NDEL1: variants seen among roughly 807,000 people sequenced by gnomAD.
NDEL1 encodes the protein nuclear distribution protein nudE-like 1.
A neutral mutation model predicts 45.7 loss-of-function variants in NDEL1; 9 were observed. That is an observed-to-expected ratio of 0.20 (90% CI 0.12 to 0.34). The LOEUF (loss-of-function observed/expected upper bound fraction) is 0.34. Ranked by LOEUF, NDEL1 falls within the 10% of genes least tolerant of loss-of-function variation. The probability of loss-of-function intolerance (pLI) is 1.00; values close to 1 mark genes in which losing one functional copy is unlikely to be tolerated. For synonymous variants in NDEL1, 133 were observed against 158.6 expected (o/e 0.84, Z 1.21); for missense variants, 306 against 406.2 (o/e 0.75, Z 2.12).
At position 8,444,256 on chromosome 17, in the gene NDEL1, A is replaced by C; in HGVS notation, c.-12-4A>C. Reference sequence around the variant, plus strand: ...TTGTTAAGTTTGTCTTTAATATTTCACAGGCTTTCTTGATCATGGATGGTG... The same window carrying C: ...TTGTTAAGTTTGTCTTTAATATTTCCCAGGCTTTCTTGATCATGGATGGTG... On this transcript the variant is annotated splice_polypyrimidine_tract_variant and splice_region_variant and intron_variant, in intron 1 of 8. Transcript: ENST00000334527. The C allele has an allele frequency of 6.4e-7, 1 of 1,574,228 alleles. No individual in the cohort carries two copies. Among genetic ancestry groups the C allele is most frequent in the Non-Finnish European group, 8.7e-7 (1 of 1,147,796 alleles).
chr17:8,413,739 C>T (rs986971092), intron 1 of NDEL1, among the ~76,000 whole-genome samples: 17 of 152,148 alleles, frequency 1.1e-4, no homozygotes, highest in Non-Finnish European at 2.1e-4. Context: ...TCCCTCTGAA[C>T]GTGTTTTCTC....
intron 8 of NDEL1, chr17:8,463,221 C>A: frequency 1.2e-6 from 1 of 856,684 alleles, no homozygotes; most frequent in Non-Finnish European, 1.9e-6. Flanking sequence ...ACTCTGAGTT[C>A]TTTTGGGCTG....
At chr17:8,419,150 T>G (rs1462587080) in intron 1 of NDEL1, among the ~76,000 whole-genome samples, 2 of 152,184 alleles carry the variant, frequency 1.3e-5, no homozygotes, top group South Asian at 4.1e-4. Flanking sequence ...ACACCTGGCC[T>G]GATCCCTTAT....
chr17:8,452,761 C>CA (rs1910601207), intron 6 of NDEL1, among the ~76,000 whole-genome samples: 1 of 16,836 alleles, frequency 5.9e-5, no homozygotes, highest in East Asian at 1.4e-3. Flanking sequence ...TTTTTTTTGA[C>CA]AGAGTTTTGC....
intron 4 of NDEL1, among the ~76,000 whole-genome samples, chr17:8,448,064 C>T (rs1476415745): frequency 1.3e-5 from 2 of 152,098 alleles, no homozygotes; most frequent in African/African-American, 4.8e-5. Context: ...TGAGTGGTTG[C>T]AGAAAGCAAA....
chr17:8,470,176 A>G (rs1274670075), downstream of NDEL1, among the ~76,000 whole-genome samples: 1 of 152,172 alleles, frequency 6.6e-6, no homozygotes, highest in Non-Finnish European at 1.5e-5. This position sits in a 1 kb window ranked among gnomAD's most constrained non-coding sequence, Gnocchi z 4.2. Context: ...GAATGCCGCT[A>G]CGTACCGTTT....
chr17:8,418,625 GCTTC>G lies in NDEL1; in HGVS notation c.-13+5373_-13+5376del, dbSNP rs765696271. Among the ~76,000 whole-genome samples the G allele has an allele frequency of 3.8e-3, 580 of 151,640 alleles. 2 individuals carry two copies. The highest frequency in any genetic ancestry group is 5.6e-3 in the Non-Finnish European group (378 of 67,894). On this transcript the variant is annotated intron_variant, in intron 1 of 4. Transcript: ENST00000582812. ...CAGCTCTATAAAAAAGTTTATGGCTGCTTCCTTCCTTCCTTCCTTCTTTCCTTCC... is the reference window on the plus strand; with the variant it reads ...CAGCTCTATAAAAAAGTTTATGGCTGCTTCCTTCCTTCCTTCTTTCCTTCC...
In NDEL1 at chr17:8,428,352, G is replaced by T. The variant is rs1489663132; in HGVS notation, c.-13+15083G>T. 4.2e-5 allele frequency among the ~76,000 whole-genome samples: 4 copies of T among 94,898 alleles called. 1 individual carries two copies. The highest frequency in any genetic ancestry group is 8.7e-4 in the South Asian group (2 of 2,296). 62.3% of individuals were successfully genotyped at this position (94,898 alleles called of 152,430 possible). ...TGTGTGTGTGTGTGTGTGTGTGTGTGTGTGTGTGTATTTTTTTTTTTTTTT... is the reference window on the plus strand; with the variant it reads ...TGTGTGTGTGTGTGTGTGTGTGTGTTTGTGTGTGTATTTTTTTTTTTTTTT... On this transcript the variant is annotated intron_variant, in intron 1 of 4. Coordinates refer to the NDEL1 transcript ENST00000582812.
downstream of NDEL1, among the ~76,000 whole-genome samples, chr17:8,472,707 A>G (rs1272025931): frequency 6.7e-6 from 1 of 150,002 alleles, no homozygotes; most frequent in Non-Finnish European, 1.5e-5. Context: ...GTTTAAAAAT[A>G]GTCCACTGGA....
chr17:8,451,886 T>G (rs746572199), intron 6 of NDEL1, among the ~76,000 whole-genome samples: 4 of 152,174 alleles, frequency 2.6e-5, no homozygotes, highest in Non-Finnish European at 5.9e-5. Context: ...TCTCTCTGTC[T>G]GTGCTACTCA....
At chr17:8,425,121 A>G (rs1387384121) in intron 1 of NDEL1, among the ~76,000 whole-genome samples, 1 of 152,196 alleles carries the variant, frequency 6.6e-6, no homozygotes, top group East Asian at 1.9e-4. Flanking sequence ...TACCTGTTGG[A>G]TGAAATATAG....
At chr17:8,423,500 A>T (rs1482918106) in intron 1 of NDEL1, among the ~76,000 whole-genome samples, 3 of 152,178 alleles carry the variant, frequency 2.0e-5, no homozygotes, top group African/African-American at 7.2e-5. Context: ...CCTGACCAAC[A>T]TGGCAAAACC....
At chr17:8,435,867 G>A, upstream of NDEL1, 1 of 447,384 alleles carries the variant, frequency 2.2e-6, no homozygotes, top group Non-Finnish European at 4.5e-6. Context: ...TCACAGAATG[G>A]CCTCGGACAC....
chr17:8,460,961 T>C (rs1911159408), intron 8 of NDEL1, among the ~76,000 whole-genome samples: 1 of 152,210 alleles, frequency 6.6e-6, no homozygotes, highest in African/African-American at 2.4e-5. Context: ...TACATGGTAA[T>C]ACGTGGTTGT....
intron 1 of NDEL1, among the ~76,000 whole-genome samples, chr17:8,438,939 CTT>C (rs374840633): frequency 8.0e-4 from 109 of 135,840 alleles, no homozygotes; most frequent in Non-Finnish European, 8.6e-4. Context: ...TTGCTTTGTT[CTT>C]TTTTTTTTTT....
intron 7 of NDEL1, among the ~76,000 whole-genome samples, chr17:8,456,492 CTTTTTTT>C (rs57327945): frequency 1.2e-5 from 1 of 82,812 alleles, no homozygotes; most frequent in Admixed American, 1.5e-4. Context: ...TAGGTTATAT[CTTTTTTT>C]TTTTTTTTTT....
intron 8 of NDEL1, among the ~76,000 whole-genome samples, chr17:8,461,625 A>C (rs1284425865): frequency 6.6e-6 from 1 of 152,188 alleles, no homozygotes; most frequent in Non-Finnish European, 1.5e-5. Context: ...TAGGAGTTTC[A>C]GGCAGACTTG....
At chr17:8,452,679 C>G (rs1266459831) in intron 6 of NDEL1, among the ~76,000 whole-genome samples, 4 of 146,722 alleles carry the variant, frequency 2.7e-5, no homozygotes, top group Non-Finnish European at 6.0e-5. Flanking sequence ...CTCTTTCTTT[C>G]TTTCTTTCTC....
intron 8 of NDEL1, 118 bp downstream of exon 8, chr17:8,460,278 T>C: frequency 1.8e-6 from 2 of 1,099,994 alleles, no homozygotes; most frequent in East Asian, 5.1e-5. Context: ...CCGAAGCCTG[T>C]TATCATTCTA....
Sources: allele counts gnomAD v4.1 joint callset (sites outside exome capture counted in the v4.1 genomes callset), GRCh38; gene constraint gnomAD v4.1.1; non-coding constraint Gnocchi (gnomAD v3.1); transcripts MANE v1.5; gene names NCBI Gene and HGNC (gene_info 2026-07-23, HGNC 2026-07-21).